Variants in GPC6 observed in about 807,000 individuals in gnomAD.
GPC6 encodes glypican-6.
In GPC6, 14 loss-of-function variants were observed where a neutral mutation model predicts 55.2. The ratio of observed to expected loss-of-function variants is 0.25; its 90% CI spans 0.17 to 0.40. The LOEUF is 0.40. Ranked by LOEUF, GPC6 falls within the 10% of genes least tolerant of loss-of-function variation. The pLI is 1.00. For synonymous variants in GPC6, 278 were observed against 259.6 expected (o/e 1.07, Z -0.68); for missense variants, 641 against 708.5 (o/e 0.90, Z 1.08).
chr13:94,187,387 A>C (rs1889235373), intron 4 of GPC6: 1 of 152,254 alleles, frequency 6.6e-6, no homozygotes. Context: ...AGAAAAAGAA[A>C]GCAGAACGAT....
At chr13:93,711,305 G>A (rs1472730597) in intron 2 of GPC6, among the ~76,000 whole-genome samples, 6 of 151,738 alleles carry the variant, frequency 4.0e-5, no homozygotes, top group African/African-American at 1.5e-4. Flanking sequence ...AAGCAGGCAA[G>A]AGAGAGCTTG....
At chr13:93,850,899 G>T (rs982731706) in intron 3 of GPC6, among the ~76,000 whole-genome samples, 1 of 151,932 alleles carries the variant, frequency 6.6e-6, no homozygotes, top group Non-Finnish European at 1.5e-5. Flanking sequence ...CTGAGAAACT[G>T]AAGTATAGTT....
chr13:94,283,820 C>T (rs1892454514), intron 4 of GPC6, among the ~76,000 whole-genome samples: 1 of 152,114 alleles, frequency 6.6e-6, no homozygotes, highest in Non-Finnish European at 1.5e-5. Context: ...GCTCCAAGAG[C>T]AGAGTTAAAA....
intron 1 of GPC6, among the ~76,000 whole-genome samples, chr13:93,495,620 T>C (rs1880233043): frequency 9.6e-6 from 1 of 104,396 alleles, no homozygotes; most frequent in Non-Finnish European, 2.0e-5. Flanking sequence ...GAGTTTCCAG[T>C]TTTTCTGTTC....
chr13:94,346,986 A>G (rs1171089387), intron 6 of GPC6, among the ~76,000 whole-genome samples: 3 of 152,210 alleles, frequency 2.0e-5, no homozygotes, highest in African/African-American at 7.2e-5. Flanking sequence ...CTTTCCACCC[A>G]TAGCATAATA....
intron 4 of GPC6, among the ~76,000 whole-genome samples, chr13:94,137,237 C>A (rs1369226672): frequency 1.3e-5 from 2 of 152,072 alleles, no homozygotes. Context: ...GGGAAAAGAT[C>A]TTGGCTAGAG....
chr13:93,700,404 C>A (rs1882627380), intron 2 of GPC6, among the ~76,000 whole-genome samples: 1 of 152,006 alleles, frequency 6.6e-6, no homozygotes, highest in Non-Finnish European at 1.5e-5. Flanking sequence ...CCAGTGTAAA[C>A]CTACCCTGCT....
intron 4 of GPC6, among the ~76,000 whole-genome samples, chr13:94,066,414 C>T (rs930145851): frequency 2.6e-5 from 4 of 151,998 alleles, no homozygotes; most frequent in Non-Finnish European, 5.9e-5. Flanking sequence ...AATATTATTT[C>T]TTTAGATGAA....
intron 4 of GPC6, among the ~76,000 whole-genome samples, chr13:94,130,754 C>T (rs1028423627): frequency 6.6e-6 from 1 of 152,038 alleles, no homozygotes; most frequent in Non-Finnish European, 1.5e-5. Context: ...ATTAAGAGTC[C>T]TCATAGGAGT....
At chr13:93,777,819 A>G (rs1566530234) in intron 2 of GPC6, among the ~76,000 whole-genome samples, 1 of 152,104 alleles carries the variant, frequency 6.6e-6, no homozygotes, top group Non-Finnish European at 1.5e-5. Flanking sequence ...ATCTGTGTCT[A>G]TTTGTATATG....
At chr13:93,871,452 A>C (rs973176963) in intron 3 of GPC6, among the ~76,000 whole-genome samples, 3 of 152,006 alleles carry the variant, frequency 2.0e-5, no homozygotes, top group African/African-American at 7.2e-5. Context: ...GAGGATAATC[A>C]GTTGTCCTTA....
Position 94,396,687 on chromosome 13 carries a change from G to A in GPC6, c.1290-1779G>A, listed in dbSNP as rs1880911162. Among the ~76,000 whole-genome samples, 3 of 152,348 alleles carry A rather than the reference G, an allele frequency of 2.0e-5. No homozygotes were observed. In the South Asian group the frequency reaches 6.2e-4, roughly 32 times the overall value. On this transcript the variant is annotated intron_variant, in intron 7 of 8. Transcript: ENST00000377047. The stretch of plus-strand genomic sequence containing the variant: ...TATGCAAGGAAAACCTGTAGGACAG[G>A]AAGGCATGGGATGGCTACAGTGAGT...
intron 2 of GPC6, among the ~76,000 whole-genome samples, chr13:93,601,293 A>G (rs1878006152): frequency 6.6e-6 from 1 of 152,002 alleles, no homozygotes; most frequent in Admixed American, 6.6e-5. Flanking sequence ...CTGAGGCAGG[A>G]GAATCACTTG....
chr13:93,911,406 CTGTGTGTGTGTG>C (rs10566353), intron 3 of GPC6, among the ~76,000 whole-genome samples: 2 of 149,920 alleles, frequency 1.3e-5, no homozygotes, highest in Non-Finnish European at 1.5e-5. Context: ...AGATAATTGA[CTGTGTGTGTGTG>C]TGTGTGTGTG....
intron 6 of GPC6, among the ~76,000 whole-genome samples, chr13:94,350,995 T>G (rs1236055522): frequency 6.6e-6 from 1 of 152,198 alleles, no homozygotes; most frequent in African/African-American, 2.4e-5. Context: ...CTCTGAAGTT[T>G]ATAGACTTTG....
chr13:93,283,943 T>G (rs187978620), intron 1 of GPC6, among the ~76,000 whole-genome samples: 2 of 152,266 alleles, frequency 1.3e-5, no homozygotes, highest in East Asian at 3.9e-4. Flanking sequence ...TCACATTCCT[T>G]TTGGAAAACT....
At chr13:93,574,895 T>G (rs934497729) in intron 2 of GPC6, among the ~76,000 whole-genome samples, 23 of 152,210 alleles carry the variant, frequency 1.5e-4, no homozygotes, top group Non-Finnish European at 2.8e-4. Context: ...GACTTTTATT[T>G]TGTTAATGTC....
At chr13:93,291,535 A>T (rs930930720) in intron 1 of GPC6, among the ~76,000 whole-genome samples, 2 of 152,036 alleles carry the variant, frequency 1.3e-5, no homozygotes, top group Admixed American at 6.6e-5. Context: ...AGAATAATTT[A>T]CTTATTTTAT....
chr13:94,078,161 C>T (rs904932581), intron 4 of GPC6, among the ~76,000 whole-genome samples: 4 of 151,622 alleles, frequency 2.6e-5, no homozygotes, highest in South Asian at 2.1e-4. Flanking sequence ...TATTTTTGAG[C>T]GACCAATGGG....
Sources: allele counts gnomAD v4.1 joint callset (sites outside exome capture counted in the v4.1 genomes callset), GRCh38; gene constraint gnomAD v4.1.1; transcripts MANE v1.5; gene names NCBI Gene and HGNC (gene_info 2026-07-23, HGNC 2026-07-21).